The following CHST8 variants were observed in gnomAD, a reference collection of about 807,000 sequenced individuals.
CHST8 encodes the protein carbohydrate sulfotransferase 8, also known as GALNAC-4-ST1.
In CHST8, 10 loss-of-function variants were observed where a neutral mutation model predicts 15.0. The observed-to-expected ratio is 0.67, with a 90% CI of 0.41 to 1.13. The LOEUF (loss-of-function observed/expected upper bound fraction) is 1.13. Ranked by LOEUF, CHST8 falls within the 50% of genes most tolerant of loss-of-function variation. CHST8 has a pLI of 0.00. For missense variants in CHST8, 634 were observed against 608.2 expected (o/e 1.04, Z -0.45); for synonymous variants, 259 against 256.6 (o/e 1.01, Z -0.09).
chr19:33,750,856 C>G (rs1176891008), intron 3 of CHST8, among the ~76,000 whole-genome samples: 1 of 151,898 alleles, frequency 6.6e-6, no homozygotes, highest in Non-Finnish European at 1.5e-5. Flanking sequence ...CAGGCTCGGT[C>G]CAGGCTCACC....
rs190731608 is a variant in CHST8 at position 33,699,613 on chromosome 19, T to C, written c.130+10222T>C. ...ACGTGCTGCTATGCGTCATGCCTAA[T>C]ATCTCACAGCTAGAAATGAATAGAG... is the stretch of plus-strand genomic sequence containing the variant. On this transcript the variant is annotated intron_variant, in intron 3 of 4. Coordinates refer to ENST00000650847, the MANE Select transcript of CHST8 (RefSeq NM_001127895.2). Among the ~76,000 whole-genome samples, 514 of 152,210 alleles carry C rather than the reference T, an allele frequency of 3.4e-3. 3 individuals carry two copies. The highest frequency in any genetic ancestry group is 4.9e-3 in the Non-Finnish European group (336 of 68,004).
At chr19:33,658,961 A>T (rs1343304478) in intron 1 of CHST8, among the ~76,000 whole-genome samples, 1 of 151,848 alleles carries the variant, frequency 6.6e-6, no homozygotes, top group Non-Finnish European at 1.5e-5. Flanking sequence ...TTCTAATGGA[A>T]ATTTATACTT....
rs1975049810 is a variant in CHST8 at position 33,773,186 on chromosome 19, C to T, written c.*123C>T. 1.7e-6 allele frequency: 2 copies of T among 1,174,032 alleles called. No individual in the cohort carries two copies. The allele number at this position is 1,174,032 out of a possible 1,614,324, so 72.7% of individuals were successfully genotyped here. A position where few individuals can be genotyped will look rare whatever the true frequency, so the allele number is the denominator to read the frequency against. ...GCTCTGAGGACGTGAGGAGCCATCG[C>T]TGTGGGAGGCAGCAGGCCCCGGGTG... is the stretch of plus-strand genomic sequence containing the variant. On this transcript the variant is annotated 3_prime_UTR_variant, in exon 5 of 5. Transcript: ENST00000650847.
At chr19:33,674,350 C>T (rs1444539713) in intron 2 of CHST8, among the ~76,000 whole-genome samples, 1 of 152,202 alleles carries the variant, frequency 6.6e-6, no homozygotes, top group Non-Finnish European at 1.5e-5. Flanking sequence ...CTGCCATCGG[C>T]ATGGGGGAGG....
chr19:33,688,981 C>A (rs1482124159), intron 2 of CHST8, among the ~76,000 whole-genome samples, 195 bp from the exon 3 acceptor site: 1 of 152,108 alleles, frequency 6.6e-6, no homozygotes, highest in African/African-American at 2.4e-5. Context: ...TGGTGGAAAG[C>A]TAGCATTCCA....
chr19:33,709,335 A>G (rs1387903226), intron 3 of CHST8, among the ~76,000 whole-genome samples: 1 of 152,214 alleles, frequency 6.6e-6, no homozygotes, highest in East Asian at 1.9e-4. Flanking sequence ...ACCAATAAGT[A>G]TAATGGTTGC....
At chr19:33,650,534 T>C (rs1413749137) in intron 1 of CHST8, among the ~76,000 whole-genome samples, 1 of 121,024 alleles carries the variant, frequency 8.3e-6, no homozygotes, top group African/African-American at 3.2e-5. Context: ...TTTTTTTTTT[T>C]TTTTTTTTTT....
intron 1 of CHST8, among the ~76,000 whole-genome samples, chr19:33,662,059 A>G (rs974751488): frequency 1.3e-5 from 2 of 151,742 alleles, no homozygotes; most frequent in Admixed American, 1.3e-4. Context: ...TAAAAGGATG[A>G]TTTCTTTTTT....
chr19:33,762,879 T>TA (rs1974766118), intron 3 of CHST8, among the ~76,000 whole-genome samples: 1 of 150,870 alleles, frequency 6.6e-6, no homozygotes, highest in Admixed American at 6.6e-5. Context: ...TTTTTTTTTT[T>TA]GAGATGGAGC....
chr19:33,633,321 G>A (rs182204894), intron 1 of CHST8, among the ~76,000 whole-genome samples: 1 of 152,302 alleles, frequency 6.6e-6, no homozygotes, highest in East Asian at 1.9e-4. Context: ...TGGCATTTGG[G>A]TTAGAGTTTT....
chr19:33,743,759 C>T (rs1171830408), intron 3 of CHST8, among the ~76,000 whole-genome samples: 2 of 151,798 alleles, frequency 1.3e-5, no homozygotes, highest in Admixed American at 6.6e-5. Flanking sequence ...TCAATTACTG[C>T]TCTATCCAAC....
intron 3 of CHST8, among the ~76,000 whole-genome samples, chr19:33,731,359 C>A (rs868499029): frequency 6.6e-6 from 1 of 152,178 alleles, no homozygotes; most frequent in Admixed American, 6.5e-5. Context: ...GGTTTCTCCC[C>A]TTTTTAGACC....
At chr19:33,730,759 C>T (rs1392880914) in intron 3 of CHST8, among the ~76,000 whole-genome samples, 4 of 152,082 alleles carry the variant, frequency 2.6e-5, no homozygotes, top group Admixed American at 1.3e-4. Flanking sequence ...CACAATAGGC[C>T]GTCTGCAAGC....
chr19:33,754,418 G>A (rs762685948), intron 3 of CHST8, among the ~76,000 whole-genome samples: 2 of 152,066 alleles, frequency 1.3e-5, no homozygotes, highest in East Asian at 3.9e-4. Flanking sequence ...TCTAGAAGAA[G>A]CACACCAGGC....
chr19:33,753,707 A>T (rs60305838), intron 3 of CHST8, among the ~76,000 whole-genome samples: 1,481 of 1,704 alleles, frequency 0.87, 655 homozygotes, highest in Middle Eastern at 1. Flanking sequence ...CCTCCTACCA[A>T]CCCTCTCCAT....
Position 33,772,042 on chromosome 19 carries a change from G to A in CHST8, c.254G>A (p.Arg85Lys), listed in dbSNP as rs773021481. Residue 85 changes from arginine to lysine, a missense_variant, in exon 5 of 5, where the codon AGG becomes AAG. By Grantham distance (26) the Arg-to-Lys change is conservative. Transcript: ENST00000650847. ...CGGGACTTATCCAGTGGGGCCCCGA[G>A]GGGCCGCAACCTGCCAGCGCCTGAC... Reference protein sequence around the residue: ...VTRDLSSGAPRGRNLPAPDQP... With the variant: ...VTRDLSSGAPKGRNLPAPDQP... 6.2e-7 allele frequency: 1 copy of A among 1,612,216 alleles called. No individual in the cohort carries two copies.
intron 3 of CHST8, among the ~76,000 whole-genome samples, chr19:33,756,927 G>A (rs1200177094): frequency 1.3e-5 from 2 of 152,196 alleles, no homozygotes; most frequent in Non-Finnish European, 2.9e-5. Context: ...TGGTTTAGGT[G>A]TGAGTGTGGT....
chr19:33,635,845 G>A (rs1972188536), intron 1 of CHST8, among the ~76,000 whole-genome samples: 1 of 152,124 alleles, frequency 6.6e-6, no homozygotes, highest in African/African-American at 2.4e-5. Flanking sequence ...TTGGTACAGT[G>A]GAAATTCTCT....
chr19:33,737,786 C>T (rs759591445), intron 3 of CHST8, among the ~76,000 whole-genome samples: 7 of 152,154 alleles, frequency 4.6e-5, no homozygotes, highest in Non-Finnish European at 8.8e-5. Context: ...CCAGCTAATG[C>T]CCCTTGCCTA....
Sources: allele counts gnomAD v4.1 joint callset (sites outside exome capture counted in the v4.1 genomes callset), GRCh38; gene constraint gnomAD v4.1.1; transcripts MANE v1.5; gene names NCBI Gene and HGNC (gene_info 2026-07-23, HGNC 2026-07-21).